Variants in SLC9A2 observed in about 807,000 individuals in gnomAD.
SLC9A2 encodes the protein solute carrier family 9 member A2, also known as sodium/hydrogen exchanger 2.
In SLC9A2, 42 loss-of-function variants were observed where a neutral mutation model predicts 71.7. The ratio of observed to expected loss-of-function variants is 0.59; its 90% CI spans 0.46 to 0.76. The LOEUF (loss-of-function observed/expected upper bound fraction) is 0.76, where lower values mean the gene tolerates loss of function less well. SLC9A2 is among the 30% of genes least tolerant of loss of function. SLC9A2 has a pLI of 0.00. For synonymous variants in SLC9A2, 396 were observed against 392.5 expected (o/e 1.01, Z -0.10); for missense variants, 829 against 1,017.4 (o/e 0.81, Z 2.52).
At chr2:102,626,004 AT>A (rs1293215031) in intron 1 of SLC9A2, among the ~76,000 whole-genome samples, 1 of 152,080 alleles carries the variant, frequency 6.6e-6, no homozygotes, top group Non-Finnish European at 1.5e-5. Flanking sequence ...CTTTTTAATG[AT>A]TGTCATTCTA....
Position 102,684,279 on chromosome 2 carries a change from G to GA in SLC9A2, c.1374dup (p.Leu459IlefsTer29), listed in dbSNP as rs1677508033. 3.7e-6 allele frequency: 6 copies of GA among 1,614,088 alleles called. No individual in the cohort carries two copies. Among genetic ancestry groups the GA allele is most frequent in the Non-Finnish European group, 5.1e-6 (6 of 1,180,008 alleles). ...TCCTTCCTGCTGCTGTGTTTCCTCG[G>GA]AAAAAATTGTTTATTACGGCTGCCA... On this transcript the variant is annotated frameshift_variant, in exon 5 of 12. Transcript: ENST00000233969. LOFTEE classifies it high-confidence loss of function.
chr2:102,675,662 C>T (rs1573421359), intron 3 of SLC9A2, among the ~76,000 whole-genome samples: 1 of 152,048 alleles, frequency 6.6e-6, no homozygotes, highest in South Asian at 2.1e-4. Context: ...ACTAACTAGT[C>T]TAGGCAAGAG....
chr2:102,701,899 A>T (rs932277047), intron 8 of SLC9A2, among the ~76,000 whole-genome samples: 4 of 152,194 alleles, frequency 2.6e-5, no homozygotes, highest in African/African-American at 9.7e-5. Flanking sequence ...AAATTCTGAT[A>T]TTGGGTTTAT....
intron 7 of SLC9A2, among the ~76,000 whole-genome samples, chr2:102,695,800 T>TAGTATA (rs1491352314): frequency 1.1e-5 from 1 of 93,010 alleles, no homozygotes; most frequent in African/African-American, 3.9e-5. Context: ...TATATATATA[T>TAGTATA]TATATATATA....
chr2:102,640,248 A>G (rs142867228), intron 1 of SLC9A2, among the ~76,000 whole-genome samples: 3 of 152,196 alleles, frequency 2.0e-5, no homozygotes, highest in African/African-American at 7.2e-5. Flanking sequence ...CTTCTCACAC[A>G]AAATGTGTTG....
intron 5 of SLC9A2, among the ~76,000 whole-genome samples, chr2:102,688,663 G>A (rs908147866): frequency 3.3e-5 from 5 of 152,148 alleles, no homozygotes; most frequent in Admixed American, 3.3e-4. Context: ...GGGAGTCAGA[G>A]GTTGCAGTGA....
At chr2:102,633,376 T>C (rs1421079143) in intron 1 of SLC9A2, among the ~76,000 whole-genome samples, 1 of 152,102 alleles carries the variant, frequency 6.6e-6, no homozygotes, top group African/African-American at 2.4e-5. Flanking sequence ...AATATCACAC[T>C]TCCGGTGTGG....
rs1031154798 is a variant in SLC9A2 at position 102,658,015 on chromosome 2, T to C, written c.741T>C (p.Asp247=). Residue 247 remains aspartate, a synonymous_variant, in exon 2 of 12, where the codon GAT becomes GAC. Transcript: ENST00000233969. ...TCTTTGGAGAGTCCCTGCTGAATGA[T>C]GCAGTAACAGTGGTGAGTCACATTC... The part of the protein sequence containing the change: ...ILVFGESLLN[D]AVTVVLYNLF... The C allele has an allele frequency of 1.2e-6, 2 of 1,604,956 alleles. No homozygotes were observed. Among genetic ancestry groups the C allele is most frequent in the Non-Finnish European group, 1.7e-6 (2 of 1,175,096 alleles).
At chr2:102,691,659 G>A (rs992309359) in intron 5 of SLC9A2, among the ~76,000 whole-genome samples, 3 of 152,110 alleles carry the variant, frequency 2.0e-5, no homozygotes, top group Non-Finnish European at 2.9e-5. Context: ...CGATTAAAAG[G>A]GACTGTATAT....
At chr2:102,672,795 T>C (rs981177219) in intron 3 of SLC9A2, among the ~76,000 whole-genome samples, 3 of 152,256 alleles carry the variant, frequency 2.0e-5, no homozygotes, top group Admixed American at 1.3e-4. Context: ...ATAATATATA[T>C]ATATATTTTG....
intron 3 of SLC9A2, among the ~76,000 whole-genome samples, chr2:102,682,878 G>A (rs1226950245): frequency 1.3e-5 from 2 of 152,132 alleles, no homozygotes; most frequent in African/African-American, 4.8e-5. Context: ...GAGGAACAGG[G>A]CATATGTGGG....
chr2:102,625,954 C>T (rs925632955), intron 1 of SLC9A2, among the ~76,000 whole-genome samples: 6 of 152,152 alleles, frequency 3.9e-5, no homozygotes, highest in African/African-American at 1.4e-4. Flanking sequence ...AAAAGTGTTC[C>T]TATTTCTTCA....
Position 102,705,839 on chromosome 2 carries a change from T to C in SLC9A2, c.1978-7T>C, listed in dbSNP as rs750441282. On this transcript the variant is annotated splice_polypyrimidine_tract_variant and splice_region_variant and intron_variant, in intron 10 of 11. Transcript: ENST00000233969. ...AGTTTAAGTAAGATTTTATATTTCT[T>C]TTACAGGCTTCCACTTCAACCTCCC... The C allele has an allele frequency of 3.2e-6, 5 of 1,554,586 alleles. No individual in the cohort carries two copies. The East Asian group carries it at 1.1e-4, about 35-fold the overall frequency.
chr2:102,700,900 T>C lies in SLC9A2; in HGVS notation c.1587-170T>C, dbSNP rs954278072. Among the ~76,000 whole-genome samples, 4 of 152,114 alleles carry C rather than the reference T, an allele frequency of 2.6e-5. No individual in the cohort carries two copies. In the East Asian group the frequency reaches 5.8e-4, roughly 22 times the overall value. On this transcript the variant is annotated intron_variant, in intron 7 of 11. Coordinates refer to ENST00000233969, the MANE Select transcript of SLC9A2 (RefSeq NM_003048.6). Reference sequence around the variant, plus strand: ...ATATATACATATATACACATACACATATACATATATACAGGTAGGCACATA... The same window carrying C: ...ATATATACATATATACACATACACACATACATATATACAGGTAGGCACATA...
chr2:102,691,079 C>T (rs1677652916), intron 5 of SLC9A2, among the ~76,000 whole-genome samples: 1 of 151,874 alleles, frequency 6.6e-6, no homozygotes, highest in Non-Finnish European at 1.5e-5. Context: ...CTGGGGGATG[C>T]CAGGTGGGAG....
intron 1 of SLC9A2, among the ~76,000 whole-genome samples, chr2:102,641,816 C>T (rs1234231121): frequency 2.1e-5 from 3 of 144,930 alleles, no homozygotes; most frequent in African/African-American, 7.7e-5. Flanking sequence ...CCAAACACTG[C>T]ATGTTCTCAC....
At chr2:102,688,913 G>A (rs761536763) in intron 5 of SLC9A2, among the ~76,000 whole-genome samples, 5 of 152,190 alleles carry the variant, frequency 3.3e-5, no homozygotes, top group Non-Finnish European at 5.9e-5. Flanking sequence ...TGGTTATCTA[G>A]AAGTCCATCA....
rs140041670 is a variant in SLC9A2 at position 102,689,448 on chromosome 2, G to T, written c.1426-4966G>T. Among the ~76,000 whole-genome samples the T allele has an allele frequency of 9.4e-3, 1,431 of 152,208 alleles. 16 individuals are homozygous for T. Among genetic ancestry groups the T allele is most frequent in the Non-Finnish European group, 0.013 (868 of 68,014 alleles). The stretch of plus-strand genomic sequence containing the variant: ...GGGTAGCCTCTCCCAGCAATTACAT[G>T]AATCTTTGCTGATTTAGCCTCTCCA... On this transcript the variant is annotated intron_variant, in intron 5 of 11. Coordinates refer to ENST00000233969, the MANE Select transcript of SLC9A2 (RefSeq NM_003048.6).
At chr2:102,633,515 C>A (rs1676413595) in intron 1 of SLC9A2, among the ~76,000 whole-genome samples, 1 of 152,106 alleles carries the variant, frequency 6.6e-6, no homozygotes, top group Admixed American at 6.6e-5. Context: ...ATAATAGCAC[C>A]CGGCTTCCTT....
Sources: allele counts gnomAD v4.1 joint callset (sites outside exome capture counted in the v4.1 genomes callset), GRCh38; gene constraint gnomAD v4.1.1; transcripts MANE v1.5; gene names NCBI Gene and HGNC (gene_info 2026-07-23, HGNC 2026-07-21).